Variants in CDK14 observed in about 807,000 individuals in gnomAD.
CDK14 encodes the protein cyclin dependent kinase 14, also known as cyclin-dependent kinase 14.
In CDK14, 34 loss-of-function variants were observed where a neutral mutation model predicts 60.7. The ratio of observed to expected loss-of-function variants is 0.56; its 90% CI spans 0.43 to 0.75. The LOEUF (loss-of-function observed/expected upper bound fraction) is 0.75, where lower values mean the gene tolerates loss of function less well. CDK14 is among the 30% of genes least tolerant of loss of function. The pLI, the probability that CDK14 is intolerant of heterozygous loss-of-function variation, is 0.00. For synonymous variants in CDK14, 197 were observed against 203.7 expected, an observed-to-expected ratio of 0.97 and a Z score of 0.28; for missense variants, 482 against 564.1, an observed-to-expected ratio of 0.85 and a Z score of 1.47.
At chr7:90,634,179 C>T (rs982595260) in intron 2 of CDK14, among the ~76,000 whole-genome samples, 1 of 151,612 alleles carries the variant, frequency 6.6e-6, no homozygotes, top group African/African-American at 2.4e-5. Context: ...TACATGTGCA[C>T]AATGTGCAGG....
At chr7:90,953,048 T>G (rs1232895419) in intron 8 of CDK14, among the ~76,000 whole-genome samples, 2 of 152,158 alleles carry the variant, frequency 1.3e-5, no homozygotes, top group African/African-American at 4.8e-5. Context: ...TTCTTTTATT[T>G]TTATTTTTTG....
chr7:91,082,583 A>C (rs774068927), intron 12 of CDK14, among the ~76,000 whole-genome samples: 3 of 152,274 alleles, frequency 2.0e-5, no homozygotes, highest in Non-Finnish European at 4.4e-5. Context: ...GAGAAGAAAA[A>C]TCTTACCTGC....
chr7:90,635,846 T>C (rs1263513555), intron 2 of CDK14, among the ~76,000 whole-genome samples: 2 of 151,788 alleles, frequency 1.3e-5, no homozygotes, highest in Non-Finnish European at 2.9e-5. Flanking sequence ...AAGAGGTCCT[T>C]CACGTCCCTT....
At chr7:91,149,180 G>A (rs968004928) in intron 14 of CDK14, among the ~76,000 whole-genome samples, 1 of 151,970 alleles carries the variant, frequency 6.6e-6, no homozygotes, top group Non-Finnish European at 1.5e-5. Flanking sequence ...ATGTTATTTA[G>A]GTGGGAAGAA....
intron 14 of CDK14, among the ~76,000 whole-genome samples, chr7:91,169,018 T>C (rs1801432798): frequency 6.6e-6 from 1 of 152,238 alleles, no homozygotes; most frequent in Admixed American, 6.5e-5. Context: ...CCTCGCATGT[T>C]TTCCATAGCT....
chr7:91,006,199 T>C (rs1795975090), intron 10 of CDK14, among the ~76,000 whole-genome samples: 1 of 152,242 alleles, frequency 6.6e-6, no homozygotes, highest in Non-Finnish European at 1.5e-5. Context: ...GGAAAAGAAC[T>C]TGAAGTTTTT....
At chr7:90,642,773 T>G (rs1800369196) in intron 2 of CDK14, among the ~76,000 whole-genome samples, 1 of 152,206 alleles carries the variant, frequency 6.6e-6, no homozygotes, top group Non-Finnish European at 1.5e-5. Context: ...TTTTTTTTAC[T>G]GTTAACTATA....
At chr7:90,607,085 C>T (rs899144945) in intron 2 of CDK14, among the ~76,000 whole-genome samples, 5 of 152,130 alleles carry the variant, frequency 3.3e-5, no homozygotes, top group African/African-American at 4.8e-5. Context: ...CCAATCATCA[C>T]GCTTATGAAC....
intron 2 of CDK14, among the ~76,000 whole-genome samples, chr7:90,651,226 A>G (rs1053740373): frequency 2.6e-5 from 4 of 152,144 alleles, no homozygotes; most frequent in Admixed American, 1.3e-4. Context: ...GCAATTGTGA[A>G]TGGGAGTTCA....
chr7:90,876,718 A>G (rs1249040658), intron 6 of CDK14, among the ~76,000 whole-genome samples: 2 of 152,198 alleles, frequency 1.3e-5, no homozygotes, highest in African/African-American at 2.4e-5. Flanking sequence ...CATATGTTCT[A>G]TTTGTCATCT....
At chr7:90,852,059 C>A (rs1790663096) in intron 5 of CDK14, among the ~76,000 whole-genome samples, 1 of 152,046 alleles carries the variant, frequency 6.6e-6, no homozygotes, top group Non-Finnish European at 1.5e-5. Context: ...CCATCATGCC[C>A]AGCTAATTTT....
At chr7:90,636,610 C>T (rs1270173893) in intron 2 of CDK14, among the ~76,000 whole-genome samples, 5 of 151,728 alleles carry the variant, frequency 3.3e-5, no homozygotes. Flanking sequence ...TTGGTTGTAT[C>T]TCTGCCCAGC....
chr7:90,856,813 G>GA (rs1245132211), intron 5 of CDK14, among the ~76,000 whole-genome samples: 1 of 151,916 alleles, frequency 6.6e-6, no homozygotes. Flanking sequence ...CTGTGGGCTT[G>GA]AAAAAAAAGT....
chr7:90,940,955 A>C (rs1309235138), intron 8 of CDK14, among the ~76,000 whole-genome samples: 1 of 152,228 alleles, frequency 6.6e-6, no homozygotes, highest in Non-Finnish European at 1.5e-5. Flanking sequence ...CAGTTCAACC[A>C]GTTAACTCAA....
intron 11 of CDK14, 80 bp from the exon 12 acceptor site, chr7:91,079,352 A>T: frequency 1.1e-6 from 1 of 920,482 alleles, no homozygotes; most frequent in Non-Finnish European, 1.7e-6. Context: ...CTCTTTTTTT[A>T]AAGTTGAAGT....
intron 6 of CDK14, among the ~76,000 whole-genome samples, chr7:90,872,800 A>G (rs745903858): frequency 3.3e-5 from 5 of 152,192 alleles, no homozygotes; most frequent in Non-Finnish European, 7.4e-5. Context: ...AACTGTTGCT[A>G]TGGTAAATGC....
At chr7:91,096,086 A>AAAAAC (rs1554426519) in intron 12 of CDK14, among the ~76,000 whole-genome samples, 1 of 150,952 alleles carries the variant, frequency 6.6e-6, no homozygotes, top group Non-Finnish European at 1.5e-5. Context: ...AAAAAAAAAA[A>AAAAAC]AACAGTTATC....
chr7:90,944,425 T>C (rs768382828), intron 8 of CDK14, among the ~76,000 whole-genome samples: 5 of 152,148 alleles, frequency 3.3e-5, no homozygotes, highest in South Asian at 2.1e-4. Flanking sequence ...GAACTGGAGA[T>C]ACAAAGGCAG....
chr7:90,730,806 C>T (rs1802831349), intron 3 of CDK14, among the ~76,000 whole-genome samples: 1 of 152,162 alleles, frequency 6.6e-6, no homozygotes, highest in Admixed American at 6.5e-5. Context: ...TGGAGTTTGC[C>T]TGTTCACTCT....
Sources: gnomAD v4.1 joint callset for allele counts (sites outside exome capture counted in the v4.1 genomes callset) on GRCh38, gnomAD v4.1.1 for gene constraint, MANE v1.5 for transcripts, NCBI Gene and HGNC (gene_info 2026-07-23, HGNC 2026-07-21) for gene names.